The following PLCB1 variants were observed in gnomAD, a reference collection of about 807,000 sequenced individuals.
PLCB1 encodes the protein phospholipase C beta 1.
PLCB1 carries 46 observed loss-of-function variants against 161.8 expected under a neutral mutation model. That is an observed-to-expected ratio of 0.28 (90% confidence interval 0.22 to 0.36). The LOEUF (loss-of-function observed/expected upper bound fraction) is 0.36, where lower values mean the gene tolerates loss of function less well. PLCB1 is among the 10% of genes least tolerant of loss of function. PLCB1 has a pLI of 1.00. For missense variants in PLCB1, 1,016 were observed against 1,472.5 expected (o/e 0.69, Z 5.07); for synonymous variants, 517 against 503.7 (o/e 1.03, Z -0.35).
chr20:8,762,615 G>A (rs146693540), intron 25 of PLCB1, among the ~76,000 whole-genome samples: 1 of 152,106 alleles, frequency 6.6e-6, no homozygotes, highest in African/African-American at 2.4e-5. Flanking sequence ...AATTCCTTGG[G>A]ATTATAAATT....
At chr20:8,233,519 G>A (rs1305772079) in intron 2 of PLCB1, among the ~76,000 whole-genome samples, 1 of 152,140 alleles carries the variant, frequency 6.6e-6, no homozygotes, top group Admixed American at 6.6e-5. Flanking sequence ...ACTTGGTTAA[G>A]TTGATTATTT....
chr20:8,260,581 A>G (rs867627296), intron 2 of PLCB1, among the ~76,000 whole-genome samples: 2 of 152,182 alleles, frequency 1.3e-5, no homozygotes, highest in Middle Eastern at 3.4e-3. Context: ...GTGTGGGAGT[A>G]TTCTTAGATT....
At chr20:8,462,233 CGTTGA>C (rs976283941) in intron 3 of PLCB1, among the ~76,000 whole-genome samples, 11 of 152,108 alleles carry the variant, frequency 7.2e-5, no homozygotes, top group Non-Finnish European at 1.5e-4. Context: ...TATATAAACA[CGTTGA>C]GTTGTCACTG....
At chr20:8,395,944 G>A (rs1192522032) in intron 3 of PLCB1, among the ~76,000 whole-genome samples, 1 of 151,806 alleles carries the variant, frequency 6.6e-6, no homozygotes, top group Non-Finnish European at 1.5e-5. Flanking sequence ...AATTATTCCT[G>A]GTAAATGCTT....
chr20:8,788,783 T>A (rs1208584979), intron 29 of PLCB1, 61 bp downstream of exon 29: 3 of 1,074,830 alleles, frequency 2.8e-6, no homozygotes, highest in East Asian at 4.9e-5. Context: ...ATTTTGTACG[T>A]CAGAGTCACA....
At chr20:8,325,874 C>G (rs956773484) in intron 2 of PLCB1, among the ~76,000 whole-genome samples, 1 of 152,118 alleles carries the variant, frequency 6.6e-6, no homozygotes. Flanking sequence ...TTGACTTCAC[C>G]TTGGATATTT....
intron 2 of PLCB1, among the ~76,000 whole-genome samples, chr20:8,297,375 T>A (rs1431487495): frequency 1.3e-5 from 2 of 152,060 alleles, no homozygotes; most frequent in Admixed American, 6.6e-5. Flanking sequence ...GAATTTACAC[T>A]CAAAAAAGTT....
At chr20:8,266,786 C>G (rs1003161372) in intron 2 of PLCB1, among the ~76,000 whole-genome samples, 4 of 151,922 alleles carry the variant, frequency 2.6e-5, no homozygotes, top group African/African-American at 9.7e-5. Flanking sequence ...CGCCTGTAAT[C>G]CCAGCATTTT....
intron 31 of PLCB1, among the ~76,000 whole-genome samples, chr20:8,858,912 C>CAA (rs11482207): frequency 0.27 from 29,791 of 111,186 alleles, 4,135 homozygotes; most frequent in Middle Eastern, 0.43. Context: ...TTTGAGTGTG[C>CAA]AAAAAAAAAA....
Position 8,632,046 on chromosome 20 carries a change from T to TG in PLCB1, c.384+3615_384+3616insG, listed in dbSNP as rs1247240611. 2.2e-3 allele frequency among the ~76,000 whole-genome samples: 221 copies of TG among 102,624 alleles called. 3 individuals are homozygous for TG. Among genetic ancestry groups the TG allele is most frequent in the African/African-American group, 7.0e-3 (197 of 28,316 alleles). 67.3% of individuals were successfully genotyped at this position (102,624 alleles called of 152,430 possible). On this transcript the variant is annotated intron_variant, in intron 4 of 31. Coordinates refer to ENST00000338037, the MANE Select transcript of PLCB1 (RefSeq NM_015192.4). ...ATGGGTTTTTTTTGCTTTTTTTTTT[T>TG]TTTTTTTTTTTTTTTTTTTTTGCCT...
intron 31 of PLCB1, among the ~76,000 whole-genome samples, chr20:8,835,186 A>G (rs1376183783): frequency 1.3e-5 from 2 of 152,158 alleles, no homozygotes; most frequent in East Asian, 1.9e-4. Context: ...TAGGAAGAGT[A>G]AATTTCAAAA....
chr20:8,646,595 C>A (rs551539397), intron 5 of PLCB1, among the ~76,000 whole-genome samples: 113 of 152,254 alleles, frequency 7.4e-4, no homozygotes, highest in South Asian at 3.7e-3. Context: ...TAGATAGATG[C>A]TACAATACCT....
chr20:8,178,395 A>G (rs1417391579), intron 2 of PLCB1, among the ~76,000 whole-genome samples: 1 of 152,174 alleles, frequency 6.6e-6, no homozygotes, highest in Non-Finnish European at 1.5e-5. Flanking sequence ...TCTCATGATT[A>G]GTGACATTCA....
chr20:8,513,797 C>A, intron 3 of PLCB1, among the ~76,000 whole-genome samples: 1 of 152,052 alleles, frequency 6.6e-6, no homozygotes, highest in East Asian at 1.9e-4. Flanking sequence ...ATCGCTTGAG[C>A]TCAGGAGTTC....
At chr20:8,781,683 A>G (rs1423472426) in intron 27 of PLCB1, among the ~76,000 whole-genome samples, 4 of 152,200 alleles carry the variant, frequency 2.6e-5, no homozygotes, top group Admixed American at 2.0e-4. Flanking sequence ...TGTGAGGTTT[A>G]ATTGAACTCA....
intron 3 of PLCB1, among the ~76,000 whole-genome samples, chr20:8,527,954 A>G (rs1435938032): frequency 1.3e-5 from 2 of 151,932 alleles, no homozygotes; most frequent in African/African-American, 4.8e-5. Flanking sequence ...TATTATGTAT[A>G]TGGAGGTGTT....
chr20:8,407,932 T>G (rs2122499449), intron 3 of PLCB1, among the ~76,000 whole-genome samples: 1 of 152,160 alleles, frequency 6.6e-6, no homozygotes. Context: ...AGTCAAGGTT[T>G]TCAAAAACAA....
chr20:8,211,181 G>A (rs1473330344), intron 2 of PLCB1, among the ~76,000 whole-genome samples: 9 of 152,040 alleles, frequency 5.9e-5, no homozygotes, highest in Non-Finnish European at 1.3e-4. Flanking sequence ...TCTACTTCCT[G>A]AGATTATGCC....
intron 27 of PLCB1, among the ~76,000 whole-genome samples, chr20:8,778,449 G>A (rs1983050813): frequency 6.6e-6 from 1 of 152,126 alleles, no homozygotes; most frequent in Non-Finnish European, 1.5e-5. Flanking sequence ...GTTGGGAATT[G>A]GGGAAAACCA....
Sources: allele counts gnomAD v4.1 joint callset (sites outside exome capture counted in the v4.1 genomes callset), GRCh38; gene constraint gnomAD v4.1.1; transcripts MANE v1.5; gene names NCBI Gene and HGNC (gene_info 2026-07-23, HGNC 2026-07-21).